ZCCHC24: variants seen among roughly 807,000 people sequenced by gnomAD.
ZCCHC24 encodes zinc finger CCHC-type containing 24.
A neutral mutation model predicts 26.2 loss-of-function variants in ZCCHC24; 10 were observed. The ratio of observed to expected loss-of-function variants is 0.38; its 90% CI spans 0.24 to 0.65. ZCCHC24 has a LOEUF of 0.65. Among genes scored for constraint, ZCCHC24 ranks in the 30% least tolerant of loss-of-function variants. ZCCHC24 has a pLI of 0.54. For missense variants in ZCCHC24, 243 were observed against 329.1 expected (o/e 0.74, Z 2.03); for synonymous variants, 144 against 147.1 (o/e 0.98, Z 0.15).
intron 2 of ZCCHC24, among the ~76,000 whole-genome samples, chr10:79,401,826 G>A (rs1856636472): frequency 6.6e-6 from 1 of 152,234 alleles, no homozygotes; most frequent in South Asian, 2.1e-4. Context: ...GCCAAGAGGA[G>A]CAGGGGGAGG....
chr10:79,413,425 G>A (rs981065681), intron 2 of ZCCHC24, among the ~76,000 whole-genome samples: 1 of 152,232 alleles, frequency 6.6e-6, no homozygotes, highest in Non-Finnish European at 1.5e-5. Flanking sequence ...ACGGAAGACT[G>A]TGGTCAGGCA....
intron 2 of ZCCHC24, among the ~76,000 whole-genome samples, chr10:79,396,300 T>C (rs1174276373): frequency 6.6e-6 from 1 of 152,220 alleles, no homozygotes; most frequent in Non-Finnish European, 1.5e-5. Context: ...TTATGAATAA[T>C]GCTATTATGA....
At chr10:79,418,027 C>T (rs1793913597) in intron 2 of ZCCHC24, among the ~76,000 whole-genome samples, 1 of 152,214 alleles carries the variant, frequency 6.6e-6, no homozygotes, top group African/African-American at 2.4e-5. Flanking sequence ...TGGGCAGCCA[C>T]CCCAGACATG....
In ZCCHC24 at chr10:79,384,709, C is replaced by T. The variant is rs1346982495; in HGVS notation, c.*1636G>A. The T allele has an allele frequency of 6.5e-6, 1 of 152,736 alleles. No homozygotes were observed. Among genetic ancestry groups the T allele is most frequent in the Non-Finnish European group, 1.5e-5 (1 of 68,062 alleles). The allele number at this position is 152,736 out of a possible 1,614,324, so 9.5% of individuals were successfully genotyped here. ...CCCTGGTTAACACTTCACTGTAACT[C>T]CTCAGTTGTACAAAGCATTTTCATT... On this transcript the variant is annotated 3_prime_UTR_variant, in exon 4 of 4. Transcript: ENST00000372336.
chr10:79,393,518 CAT>C (rs1856504957), intron 3 of ZCCHC24, among the ~76,000 whole-genome samples: 1 of 152,246 alleles, frequency 6.6e-6, no homozygotes, highest in Non-Finnish European at 1.5e-5. Flanking sequence ...TCCCAGCTCA[CAT>C]GAGGCTATGC....
At chr10:79,401,749 C>T (rs1173756718) in intron 2 of ZCCHC24, among the ~76,000 whole-genome samples, 2 of 152,216 alleles carry the variant, frequency 1.3e-5, no homozygotes, top group South Asian at 2.1e-4. Flanking sequence ...AGCCCACTCA[C>T]GCTCCGCCCT....
intron 3 of ZCCHC24, among the ~76,000 whole-genome samples, chr10:79,390,045 T>A (rs1026777461): frequency 2.2e-4 from 33 of 152,056 alleles, no homozygotes; most frequent in African/African-American, 9.7e-5. Flanking sequence ...TTAAAAAAAA[T>A]TTTTTTATAG....
At chr10:79,406,371 G>A (rs1856713522) in intron 2 of ZCCHC24, among the ~76,000 whole-genome samples, 1 of 152,190 alleles carries the variant, frequency 6.6e-6, no homozygotes, top group Non-Finnish European at 1.5e-5. Flanking sequence ...GAGCTCTGCA[G>A]AGGAAGAGCT....
intron 3 of ZCCHC24, among the ~76,000 whole-genome samples, chr10:79,387,108 C>T (rs1856407904): frequency 6.6e-6 from 1 of 152,186 alleles, no homozygotes; most frequent in Non-Finnish European, 1.5e-5. Context: ...GATTGACCCC[C>T]ACATCTCAGG....
intron 1 of ZCCHC24, among the ~76,000 whole-genome samples, chr10:79,442,097 A>C (rs2132226798): frequency 6.6e-6 from 1 of 152,310 alleles, no homozygotes; most frequent in East Asian, 1.9e-4. Context: ...CTGGAGAGAG[A>C]GAAGGGGCTC....
chr10:79,386,443 G>A lies in ZCCHC24; in HGVS notation c.628C>T (p.Pro210Ser). Residue 210 changes from proline (P) to serine (S), a missense_variant, in exon 4 of 4, where the codon CCC (proline) becomes TCC (serine). Pro to Ser is a moderately conservative substitution (Grantham distance 74). Around this residue, in one of 2 missense-constraint regions of ZCCHC24, gnomAD observed 96 missense variants for 178.3 expected, o/e 0.54. Coordinates refer to ENST00000372336, the MANE Select transcript of ZCCHC24 (RefSeq NM_153367.4). ...YPHKQRPLEK[P>S]DGLDVSDQSK... ...TGGTCGGACACGTCCAGGCCGTCGG[G>A]CTTCTCCAGGGGTCTCTGCAGAGAG... The A allele has an allele frequency of 1.2e-6, 2 of 1,601,136 alleles. No homozygotes were observed. The highest frequency in any genetic ancestry group is 1.1e-5 in the South Asian group (1 of 90,500).
Position 79,445,245 on chromosome 10 carries a change from G to T in ZCCHC24, c.196C>A (p.Pro66Thr). Residue 66 changes from proline to threonine, a missense_variant, in exon 1 of 4, where the codon CCC becomes ACC. Transcript: ENST00000372336. ...GKGRPEQLGS[P>T]LHSSYLNSFF... Reference sequence around the variant, plus strand: ...CTGTTGAGATAGCTGGAGTGCAGGGGCGAGCCCAGCTGCTCGGGGCGGCCC... The same window carrying T: ...CTGTTGAGATAGCTGGAGTGCAGGGTCGAGCCCAGCTGCTCGGGGCGGCCC... The T allele has an allele frequency of 7.1e-7, 1 of 1,400,800 alleles. No homozygotes were observed. The highest frequency in any genetic ancestry group is 9.3e-7 in the Non-Finnish European group (1 of 1,071,900). The allele number at this position is 1,400,800 out of a possible 1,614,324, so 86.8% of individuals were successfully genotyped here. A position where few individuals can be genotyped will look rare whatever the true frequency, so the allele number is the denominator to read the frequency against.
chr10:79,412,716 T>G (rs928020055), intron 2 of ZCCHC24, among the ~76,000 whole-genome samples: 13 of 152,200 alleles, frequency 8.5e-5, no homozygotes, highest in African/African-American at 3.1e-4. Flanking sequence ...GAAACAGAGC[T>G]CTGGCTGTGC....
At chr10:79,429,164 A>G (rs1240729768) in intron 2 of ZCCHC24, among the ~76,000 whole-genome samples, 1 of 152,240 alleles carries the variant, frequency 6.6e-6, no homozygotes, top group Non-Finnish European at 1.5e-5. Context: ...ATGCTAAGTG[A>G]AAGAAGCCAG....
chr10:79,392,058 C>G (rs1161546608), intron 3 of ZCCHC24, among the ~76,000 whole-genome samples: 1 of 151,984 alleles, frequency 6.6e-6, no homozygotes, highest in Non-Finnish European at 1.5e-5. Context: ...CCCTCTCCAC[C>G]GGTCCCGTCT....
At chr10:79,394,588 C>T (rs553397942) in intron 2 of ZCCHC24, 148 bp from the exon 3 acceptor site, 1 of 1,420,176 alleles carries the variant, frequency 7.0e-7, no homozygotes, top group African/African-American at 1.4e-5. Flanking sequence ...ATACCAGGGT[C>T]ATCCCCAGAG....
At chr10:79,427,548 C>G (rs1857049081) in intron 2 of ZCCHC24, among the ~76,000 whole-genome samples, 1 of 150,098 alleles carries the variant, frequency 6.7e-6, no homozygotes, top group Non-Finnish European at 1.5e-5. Context: ...GGGAAACACG[C>G]AAATATGTGG....
At chr10:79,395,264 A>G (rs1042084089) in intron 2 of ZCCHC24, among the ~76,000 whole-genome samples, 5 of 152,162 alleles carry the variant, frequency 3.3e-5, no homozygotes, top group African/African-American at 1.2e-4. Context: ...CATAACTACA[A>G]ATAGAGCTAC....
At chr10:79,406,394 C>T (rs1269465214) in intron 2 of ZCCHC24, among the ~76,000 whole-genome samples, 1 of 152,136 alleles carries the variant, frequency 6.6e-6, no homozygotes, top group Non-Finnish European at 1.5e-5. Flanking sequence ...TCTTATGTGA[C>T]TTTTACAGGG....
Sources: allele counts gnomAD v4.1 joint callset (sites outside exome capture counted in the v4.1 genomes callset), GRCh38; gene constraint gnomAD v4.1.1; regional missense constraint gnomAD v4.1.1; transcripts MANE v1.5; gene names NCBI Gene and HGNC (gene_info 2026-07-23, HGNC 2026-07-21).